The following GRAMD1B variants were observed in gnomAD, a reference collection of about 807,000 sequenced individuals.
The protein encoded by GRAMD1B is GRAM domain containing 1B, also known as protein Aster-B.
In GRAMD1B, 37 loss-of-function variants were observed where a neutral mutation model predicts 99.7. That is an observed-to-expected ratio of 0.37 (90% CI 0.29 to 0.49). The LOEUF (loss-of-function observed/expected upper bound fraction) is 0.49, where lower values mean the gene tolerates loss of function less well. GRAMD1B is among the 20% of genes least tolerant of loss of function. The pLI is 0.98. For synonymous variants in GRAMD1B, 427 were observed against 387.6 expected (o/e 1.10, Z -1.19); for missense variants, 888 against 1,009.2 (o/e 0.88, Z 1.63).
chr11:123,584,674 G>A (rs1167140535), intron 4 of GRAMD1B, among the ~76,000 whole-genome samples: 1 of 152,054 alleles, frequency 6.6e-6, no homozygotes, highest in Non-Finnish European at 1.5e-5. Flanking sequence ...GGGCAGCCTG[G>A]GGGCCTGAAC....
chr11:123,455,551 C>T (rs2134411147), intron 1 of GRAMD1B, among the ~76,000 whole-genome samples: 1 of 152,290 alleles, frequency 6.6e-6, no homozygotes, highest in South Asian at 2.1e-4. Context: ...CTGCTGCGCT[C>T]ACCATGCAAT....
At chr11:123,538,759 A>G (rs1395641233) in intron 2 of GRAMD1B, among the ~76,000 whole-genome samples, 3 of 151,944 alleles carry the variant, frequency 2.0e-5, no homozygotes, top group South Asian at 4.2e-4. Flanking sequence ...AGCTGGGACT[A>G]CAGGCACGCA....
chr11:123,615,374 C>T (rs780193186), intron 17 of GRAMD1B, among the ~76,000 whole-genome samples: 2 of 152,192 alleles, frequency 1.3e-5, no homozygotes, highest in Non-Finnish European at 2.9e-5. Flanking sequence ...AAACAGTAGG[C>T]ACAGTAACTT....
intron 2 of GRAMD1B, among the ~76,000 whole-genome samples, chr11:123,550,259 C>A (rs528655769): frequency 6.6e-6 from 1 of 152,262 alleles, no homozygotes; most frequent in South Asian, 2.1e-4. Flanking sequence ...CATTGATCAA[C>A]CTCTCGAGAC....
intron 14 of GRAMD1B, among the ~76,000 whole-genome samples, chr11:123,611,464 C>A (rs1953558341): frequency 6.6e-6 from 1 of 152,060 alleles, no homozygotes; most frequent in African/African-American, 2.4e-5. Flanking sequence ...CTTTTTCATT[C>A]TCTTGGTAAT....
In GRAMD1B at chr11:123,454,126, C is replaced by T. The variant is rs185588931; in HGVS notation, c.374+22960C>T. 3.3e-5 allele frequency among the ~76,000 whole-genome samples: 5 copies of T among 152,284 alleles called. No individual in the cohort carries two copies. In the East Asian group the frequency reaches 7.7e-4, roughly 24 times the overall value. The stretch of plus-strand genomic sequence containing the variant: ...TCCAGACTGGGACAAGCGTTCTTTC[C>T]GCAGGCAGCTTTGCATCATCAGCTT... On this transcript the variant is annotated intron_variant, in intron 1 of 19. Transcript: ENST00000635736.
chr11:123,538,789 G>T (rs1366103028), intron 2 of GRAMD1B, among the ~76,000 whole-genome samples: 1 of 151,174 alleles, frequency 6.6e-6, no homozygotes, highest in African/African-American at 2.4e-5. Context: ...CTGACTAATT[G>T]TTTTTTTTAT....
At chr11:123,401,519 G>A (rs1947661031) in intron 1 of GRAMD1B, among the ~76,000 whole-genome samples, 1 of 152,220 alleles carries the variant, frequency 6.6e-6, no homozygotes, top group South Asian at 2.1e-4. Flanking sequence ...AATGGCCCCA[G>A]TGACTGATGG....
At chr11:123,458,992 C>T (rs1950288013) in intron 1 of GRAMD1B, 1 of 152,138 alleles carries the variant, frequency 6.6e-6, no homozygotes, top group Admixed American at 6.5e-5. Flanking sequence ...CCGTAATACA[C>T]AGCGGAGTTA....
At chr11:123,501,965 G>A (rs1480131204) in intron 2 of GRAMD1B, among the ~76,000 whole-genome samples, 1 of 152,168 alleles carries the variant, frequency 6.6e-6, no homozygotes, top group African/African-American at 2.4e-5. Flanking sequence ...CTTTCTGCAG[G>A]TACTAAGTGA....
Position 123,625,150 on chromosome 11 carries a change from A to G in GRAMD1B, c.*2555A>G, listed in dbSNP as rs1231410202. 6.6e-6 allele frequency: 1 copy of G among 152,052 alleles called. No individual in the cohort carries two copies. Among genetic ancestry groups the G allele is most frequent in the South Asian group, 2.1e-4 (1 of 4,832 alleles). The allele number at this position is 152,052 out of a possible 1,614,324, so 9.4% of individuals were successfully genotyped here. On this transcript the variant is annotated 3_prime_UTR_variant, in exon 20 of 20. Transcript: ENST00000635736. ...TAGCTTGCGAAAGACATCTTAACTC[A>G]CCCTTGCAGATAAGTCTTGGAGTGA... is the stretch of plus-strand genomic sequence containing the variant.
At chr11:123,383,344 T>C (rs535736059) in intron 1 of GRAMD1B, among the ~76,000 whole-genome samples, 3 of 152,338 alleles carry the variant, frequency 2.0e-5, no homozygotes, top group South Asian at 2.1e-4. Flanking sequence ...CTAAATCATA[T>C]TAGCTTGAAA....
At chr11:123,524,026 G>A (rs1001560348) in intron 2 of GRAMD1B, among the ~76,000 whole-genome samples, 5 of 152,096 alleles carry the variant, frequency 3.3e-5, no homozygotes, top group Non-Finnish European at 5.9e-5. Flanking sequence ...TTTTTTACTT[G>A]TGGAATCAGG....
intron 2 of GRAMD1B, among the ~76,000 whole-genome samples, chr11:123,531,952 G>A (rs1943433637): frequency 6.6e-6 from 1 of 151,902 alleles, no homozygotes; most frequent in Non-Finnish European, 1.5e-5. Flanking sequence ...GGTCAGTCTG[G>A]TCTCAAACTC....
intron 2 of GRAMD1B, among the ~76,000 whole-genome samples, chr11:123,541,809 T>C (rs374545663): frequency 3.3e-5 from 5 of 152,358 alleles, no homozygotes; most frequent in East Asian, 3.9e-4. Context: ...TAAGAGTATA[T>C]GTATTCTTAT....
At chr11:123,475,832 G>T (rs1173446720) in intron 1 of GRAMD1B, among the ~76,000 whole-genome samples, 2 of 152,104 alleles carry the variant, frequency 1.3e-5, no homozygotes, top group Non-Finnish European at 2.9e-5. Context: ...TGTGCTTTTT[G>T]ACCTTGTAGC....
chr11:123,571,967 C>T (rs1186118026), intron 2 of GRAMD1B, among the ~76,000 whole-genome samples: 1 of 152,280 alleles, frequency 6.6e-6, no homozygotes, highest in South Asian at 2.1e-4. Flanking sequence ...ATCCCACCTA[C>T]TGATTATATT....
At chr11:123,403,236 C>A (rs1468212952) in intron 1 of GRAMD1B, among the ~76,000 whole-genome samples, 1 of 151,906 alleles carries the variant, frequency 6.6e-6, no homozygotes, top group Admixed American at 6.6e-5. Flanking sequence ...ACCAGCCTGA[C>A]CAACATGGTG....
chr11:123,608,615 C>G (rs1339663168), intron 11 of GRAMD1B, 44 bp from the exon 12 acceptor site: 1 of 1,563,696 alleles, frequency 6.4e-7, no homozygotes, highest in African/African-American at 1.4e-5. Context: ...GCCCCCTCCC[C>G]CTCCGCTGTC....
Sources: allele counts gnomAD v4.1 joint callset (sites outside exome capture counted in the v4.1 genomes callset), GRCh38; gene constraint gnomAD v4.1.1; transcripts MANE v1.5; gene names NCBI Gene and HGNC (gene_info 2026-07-23, HGNC 2026-07-21).